CCDC148: variants seen among roughly 807,000 people sequenced by gnomAD.
CCDC148 encodes the protein coiled-coil domain containing 148.
In CCDC148, 89 loss-of-function variants were observed where a neutral mutation model predicts 85.7. That is an observed-to-expected ratio of 1.04 (90% CI 0.87 to 1.24). CCDC148 has a LOEUF of 1.24. Ranked by LOEUF, CCDC148 falls within the 50% of genes most tolerant of loss-of-function variation. CCDC148 has a pLI of 0.00. For synonymous variants in CCDC148, 230 were observed against 213.9 expected, an observed-to-expected ratio of 1.08 and a Z score of -0.66; for missense variants, 692 against 671.7, an observed-to-expected ratio of 1.03 and a Z score of -0.33.
intron 9 of CCDC148, among the ~76,000 whole-genome samples, chr2:158,305,171 T>A (rs1436166188): frequency 6.6e-6 from 1 of 152,048 alleles, no homozygotes; most frequent in African/African-American, 2.4e-5. Context: ...ACAAACCCAC[T>A]AGGGTACAAG....
intron 1 of CCDC148, among the ~76,000 whole-genome samples, chr2:158,368,862 A>C (rs1198634881): frequency 6.6e-6 from 1 of 152,116 alleles, no homozygotes; most frequent in Non-Finnish European, 1.5e-5. Context: ...TGAAAAAATA[A>C]GAGAGAGATC....
At chr2:158,362,076 A>G (rs1161475191) in intron 1 of CCDC148, among the ~76,000 whole-genome samples, 1 of 152,046 alleles carries the variant, frequency 6.6e-6, no homozygotes, top group African/African-American at 2.4e-5. Context: ...ATCAAAAGAG[A>G]CAAGGTCATT....
chr2:158,240,345 G>T (rs12478115), intron 10 of CCDC148, among the ~76,000 whole-genome samples: 50,059 of 151,404 alleles, frequency 0.33, 9,991 homozygotes, highest in South Asian at 0.59. Flanking sequence ...TCACATTTCA[G>T]GTGGCCCTAG....
intron 7 of CCDC148, among the ~76,000 whole-genome samples, chr2:158,332,504 CGT>C (rs1693190315): frequency 7.6e-6 from 1 of 132,378 alleles, no homozygotes. Context: ...CTTTTTTTGT[CGT>C]GTCTCTGCCA....
At chr2:158,294,174 T>C (rs762159492) in intron 9 of CCDC148, among the ~76,000 whole-genome samples, 4 of 151,120 alleles carry the variant, frequency 2.6e-5, no homozygotes, top group African/African-American at 7.3e-5. Flanking sequence ...AGTGAAATCA[T>C]ATGGAATGCA....
chr2:158,262,053 C>T (rs528962857), intron 9 of CCDC148, among the ~76,000 whole-genome samples: 21 of 151,972 alleles, frequency 1.4e-4, no homozygotes, highest in Admixed American at 5.9e-4. Context: ...ATAAAAAAGA[C>T]GTGCATGCAA....
At chr2:158,373,131 G>A (rs1684517784) in intron 1 of CCDC148, among the ~76,000 whole-genome samples, 1 of 152,072 alleles carries the variant, frequency 6.6e-6, no homozygotes, top group Admixed American at 6.6e-5. Context: ...GTCAGAATCA[G>A]AGATGTGATG....
chr2:158,250,056 G>A (rs2105141056), intron 10 of CCDC148, among the ~76,000 whole-genome samples: 1 of 152,048 alleles, frequency 6.6e-6, no homozygotes, highest in South Asian at 2.1e-4. Context: ...TCATATATCT[G>A]ATTAAATGTC....
At position 158,456,677 on chromosome 2, in the gene CCDC148, G is replaced by C. The variant is rs969799483; in HGVS notation, c.-238C>G. ...TGTCCTCTCCGCCACCCCCTCCCGC[G>C]CCCGAGACCTGAGACACCTTCTCTC... On this transcript the variant is annotated 5_prime_UTR_variant, in exon 1 of 14. Coordinates refer to ENST00000283233, the MANE Select transcript of CCDC148 (RefSeq NM_138803.4). 2 of 576,178 alleles carry C rather than the reference G, an allele frequency of 3.5e-6. No individual in the cohort carries two copies. The highest frequency in any genetic ancestry group is 4.2e-5 in the South Asian group (2 of 47,396). The allele number at this position is 576,178 out of a possible 1,614,324, so 35.7% of individuals were successfully genotyped here. A position where few individuals can be genotyped will look rare whatever the true frequency, so the allele number is the denominator to read the frequency against.
At chr2:158,431,104 C>T (rs1040634200) in intron 1 of CCDC148, among the ~76,000 whole-genome samples, 7 of 149,908 alleles carry the variant, frequency 4.7e-5, no homozygotes, top group Non-Finnish European at 1.0e-4. Context: ...ACCAAGAATA[C>T]TAATATACAT....
chr2:158,440,271 A>C (rs555454996), intron 1 of CCDC148, among the ~76,000 whole-genome samples: 63 of 152,312 alleles, frequency 4.1e-4, no homozygotes, highest in Non-Finnish European at 8.1e-4. Context: ...CCATTTTGGA[A>C]AACTGTTTGG....
chr2:158,227,709 T>A (rs1441746330), intron 10 of CCDC148, among the ~76,000 whole-genome samples: 1 of 151,980 alleles, frequency 6.6e-6, no homozygotes, highest in Admixed American at 6.6e-5. Flanking sequence ...AATGGGGAAA[T>A]GATTCCCTAT....
chr2:158,286,597 A>C (rs898868196), intron 9 of CCDC148, among the ~76,000 whole-genome samples: 39 of 152,176 alleles, frequency 2.6e-4, no homozygotes, highest in African/African-American at 9.4e-4. Flanking sequence ...CTATAGCAAC[A>C]CTCATTACAA....
At chr2:158,313,642 G>C (rs1363483599) in intron 8 of CCDC148, 114 bp downstream of exon 8, 3 of 1,062,494 alleles carry the variant, frequency 2.8e-6, no homozygotes, top group Non-Finnish European at 3.9e-6. Context: ...TTTTCTAGAG[G>C]GTAGGAAAAA....
At chr2:158,422,554 C>T (rs1352870156) in intron 1 of CCDC148, among the ~76,000 whole-genome samples, 1 of 152,080 alleles carries the variant, frequency 6.6e-6, no homozygotes, top group African/African-American at 2.4e-5. Context: ...TAAAAACTCT[C>T]AATAAATTAG....
At chr2:158,430,321 T>C (rs1344719027) in intron 1 of CCDC148, among the ~76,000 whole-genome samples, 3 of 152,184 alleles carry the variant, frequency 2.0e-5, no homozygotes, top group African/African-American at 4.8e-5. Context: ...ACCTGATCCA[T>C]GAGTCTTAGC....
intron 2 of CCDC148, among the ~76,000 whole-genome samples, chr2:158,351,992 C>T (rs1158946317): frequency 7.8e-5 from 11 of 141,902 alleles, no homozygotes; most frequent in Non-Finnish European, 1.5e-4. Flanking sequence ...GCAGGGTATT[C>T]CAACAGACCT....
intron 1 of CCDC148, among the ~76,000 whole-genome samples, chr2:158,436,716 T>C (rs1376582858): frequency 1.3e-5 from 2 of 152,182 alleles, no homozygotes; most frequent in South Asian, 2.1e-4. Context: ...ACCAACAAAA[T>C]TGATAGACCG....
At chr2:158,384,392 G>C (rs970300087) in intron 1 of CCDC148, among the ~76,000 whole-genome samples, 1 of 152,176 alleles carries the variant, frequency 6.6e-6, no homozygotes, top group African/African-American at 2.4e-5. Context: ...AGTGCTGGAG[G>C]AGGGGTCTGG....
Sources: gnomAD v4.1 joint callset for allele counts (sites outside exome capture counted in the v4.1 genomes callset) on GRCh38, gnomAD v4.1.1 for gene constraint, MANE v1.5 for transcripts, NCBI Gene and HGNC (gene_info 2026-07-23, HGNC 2026-07-21) for gene names.